Variants in GALNT16 observed in about 807,000 individuals in gnomAD.
The protein encoded by GALNT16 is polypeptide N-acetylgalactosaminyltransferase 16, also known as UDP-GalNAc:polypeptide N-acetylgalactosaminyltransferase-like protein 1.
Under a neutral mutation model 76.1 loss-of-function variants are expected in GALNT16, and 40 were observed. The ratio of observed to expected loss-of-function variants is 0.53; its 90% confidence interval spans 0.41 to 0.68. The LOEUF (loss-of-function observed/expected upper bound fraction) is 0.68. Ranked by LOEUF, GALNT16 falls within the 30% of genes least tolerant of loss-of-function variation. The pLI, the probability that GALNT16 is intolerant of heterozygous loss-of-function variation, is 0.00. For missense variants in GALNT16, 621 were observed against 731.9 expected (o/e 0.85, Z 1.75); for synonymous variants, 276 against 285.2 (o/e 0.97, Z 0.32).
chr14:69,267,453 C>T (rs1410571305), intron 1 of GALNT16, among the ~76,000 whole-genome samples: 1 of 152,234 alleles, frequency 6.6e-6, no homozygotes, highest in Middle Eastern at 3.2e-3. Flanking sequence ...TTAGGAACAA[C>T]TTCACGTTTC....
At chr14:69,362,544 A>C in the GALNT16 span, among the ~76,000 whole-genome samples, 1 of 152,262 alleles carries the variant, frequency 6.6e-6, no homozygotes, top group East Asian at 1.9e-4. Flanking sequence ...TCAGCCTCAC[A>C]ATAAGAGAAC....
intron 1 of GALNT16, among the ~76,000 whole-genome samples, chr14:69,289,493 A>G (rs1185456947): frequency 2.0e-5 from 3 of 152,142 alleles, no homozygotes; most frequent in Non-Finnish European, 4.4e-5. Flanking sequence ...CTAAGGCTTG[A>G]GAGCGGCTTG....
chr14:69,332,826 C>CTTTTTTT (rs763996589), intron 7 of GALNT16, among the ~76,000 whole-genome samples: 1 of 116,002 alleles, frequency 8.6e-6, no homozygotes, highest in African/African-American at 2.9e-5. Context: ...TTGTTTTCTT[C>CTTTTTTT]TTTTTTTTTT....
intron 3 of GALNT16, 99 bp from the exon 4 acceptor site, chr14:69,325,238 G>C (rs946869964): frequency 5.1e-6 from 4 of 787,112 alleles, no homozygotes; most frequent in Admixed American, 3.5e-5. Context: ...TGCTGGCCCT[G>C]GAGCTGGGCG....
At chr14:69,383,635 A>G in the GALNT16 span, among the ~76,000 whole-genome samples, 7 of 152,342 alleles carry the variant, frequency 4.6e-5, no homozygotes, top group East Asian at 1.3e-3. Context: ...AAATAGTTAC[A>G]GGTTTTCAAG....
At chr14:69,380,203 C>A in the GALNT16 span, 3 of 196,220 alleles carry the variant, frequency 1.5e-5, no homozygotes, top group East Asian at 1.2e-4. Context: ...TTCCACCCCC[C>A]ACCCCATCTT....
intron 1 of GALNT16, among the ~76,000 whole-genome samples, chr14:69,303,284 G>A (rs547480563): frequency 6.6e-6 from 1 of 152,160 alleles, no homozygotes; most frequent in Non-Finnish European, 1.5e-5. Flanking sequence ...AGCTAAAATG[G>A]ATGGGGCCTG....
chr14:69,332,656 C>T (rs1335773523), intron 7 of GALNT16: 2 of 163,138 alleles, frequency 1.2e-5, no homozygotes, highest in African/African-American at 2.4e-5. Flanking sequence ...TTTGGGAAAT[C>T]ACCTCAGGGC....
intron 1 of GALNT16, among the ~76,000 whole-genome samples, chr14:69,264,976 G>C (rs2044325399): frequency 6.6e-6 from 1 of 151,802 alleles, no homozygotes; most frequent in Non-Finnish European, 1.5e-5. Context: ...ACCACACCTG[G>C]TTGATTTTTA....
At chr14:69,283,195 C>T (rs1224437440) in intron 1 of GALNT16, among the ~76,000 whole-genome samples, 1 of 152,208 alleles carries the variant, frequency 6.6e-6, no homozygotes, top group Non-Finnish European at 1.5e-5. Flanking sequence ...CACAGAATTA[C>T]ATGAAAAGAC....
intron 1 of GALNT16, among the ~76,000 whole-genome samples, chr14:69,269,808 GTT>G (rs1491530077): frequency 0.023 from 3,432 of 150,790 alleles, 139 homozygotes; most frequent in African/African-American, 0.08. Flanking sequence ...GCATTTGTGT[GTT>G]TGTGTGTGTG....
rs576859013 is a variant in GALNT16, at chr14:69,352,347, C to T, written c.*179C>T. 4.8e-4 allele frequency: 296 copies of T among 621,586 alleles called. 2 individuals carry two copies. The South Asian group carries it at 5.3e-3, about 11-fold the overall frequency. 38.5% of individuals were successfully genotyped at this position (621,586 alleles called of 1,614,324 possible). ...TGTTCTAGGAGGGCGCAGGCGGGCA[C>T]GCCCCGATGCCCTCAGTGCTGTCCT... On this transcript the variant is annotated 3_prime_UTR_variant, in exon 15 of 15. Coordinates refer to ENST00000448469, the MANE Select transcript of GALNT16 (RefSeq NM_001168368.2).
At chr14:69,370,536 C>G in the GALNT16 span, among the ~76,000 whole-genome samples, 2 of 152,030 alleles carry the variant, frequency 1.3e-5, no homozygotes, top group African/African-American at 4.8e-5. Context: ...ACTTTGTGAT[C>G]GAATCTTTTA....
At position 69,353,567 on chromosome 14, in the gene GALNT16, C is replaced by G. The variant is rs1410682788; in HGVS notation, c.*1399C>G. The G allele has an allele frequency of 6.6e-6, 1 of 152,234 alleles. No homozygotes were observed. Among genetic ancestry groups the G allele is most frequent in the East Asian group, 1.9e-4 (1 of 5,192 alleles). 9.4% of individuals were successfully genotyped at this position (152,234 alleles called of 1,614,324 possible). A position where few individuals can be genotyped will look rare whatever the true frequency, so the allele number is the denominator to read the frequency against. On this transcript the variant is annotated 3_prime_UTR_variant, in exon 15 of 15. Coordinates refer to ENST00000448469, the MANE Select transcript of GALNT16 (RefSeq NM_001168368.2). ...GACCCTGGGGGTCTCCCCTACAAAG[C>G]AGACCAGCCTGGGGCAGATATACCT... is the stretch of plus-strand genomic sequence containing the variant.
chr14:69,285,218 T>C lies in GALNT16; in HGVS notation c.177+24751T>C, dbSNP rs1438843067. Among the ~76,000 whole-genome samples the C allele has an allele frequency of 4.6e-5, 7 of 152,060 alleles. No homozygotes were observed. The East Asian group carries it at 1.4e-3, about 29-fold the overall frequency. Reference sequence around the variant, plus strand: ...ACCACGCCCGGCTAATTTTTTGTATTTTTAGTAGAGACGGGGTTTCACCGT... The same window carrying C: ...ACCACGCCCGGCTAATTTTTTGTATCTTTAGTAGAGACGGGGTTTCACCGT... On this transcript the variant is annotated intron_variant, in intron 1 of 14. Transcript: ENST00000448469.
the GALNT16 span, among the ~76,000 whole-genome samples, chr14:69,381,797 T>C: frequency 6.6e-6 from 1 of 152,160 alleles, no homozygotes; most frequent in Non-Finnish European, 1.5e-5. Flanking sequence ...CACATGATTC[T>C]CCTGCCTCAG....
At chr14:69,286,098 G>A (rs1422744243) in intron 1 of GALNT16, among the ~76,000 whole-genome samples, 1 of 152,122 alleles carries the variant, frequency 6.6e-6, no homozygotes, top group Non-Finnish European at 1.5e-5. Flanking sequence ...CCCAGCCTGG[G>A]CAACTCACTG....
At chr14:69,278,250 C>A (rs2140112750) in intron 1 of GALNT16, among the ~76,000 whole-genome samples, 1 of 152,244 alleles carries the variant, frequency 6.6e-6, no homozygotes, top group East Asian at 1.9e-4. Flanking sequence ...CTCAAGCAGG[C>A]CTTCCACTTT....
intron 1 of GALNT16, among the ~76,000 whole-genome samples, chr14:69,295,914 C>T (rs532012616): frequency 6.6e-6 from 1 of 152,214 alleles, no homozygotes; most frequent in East Asian, 1.9e-4. Flanking sequence ...TTCTCAGTTC[C>T]CTCCAACCAC....
Sources: gnomAD v4.1 joint callset for allele counts (sites outside exome capture counted in the v4.1 genomes callset) on GRCh38, gnomAD v4.1.1 for gene constraint, MANE v1.5 for transcripts, NCBI Gene and HGNC (gene_info 2026-07-23, HGNC 2026-07-21) for gene names.